Variants in TIMD4 observed in about 807,000 individuals in gnomAD.
TIMD4 encodes the protein T-cell immunoglobulin and mucin domain-containing protein 4.
A neutral mutation model predicts 41.2 loss-of-function variants in TIMD4; 31 were observed. That is an observed-to-expected ratio of 0.75 (90% CI 0.57 to 1.01). The LOEUF is 1.01. Ranked by LOEUF, TIMD4 falls within the 50% of genes least tolerant of loss-of-function variation. The pLI is 0.00. For synonymous variants in TIMD4, 204 were observed against 177.1 expected (o/e 1.15, Z -1.21); for missense variants, 479 against 472.5 (o/e 1.01, Z -0.13).
At chr5:156,952,402 C>T (rs867110125) in intron 2 of TIMD4, among the ~76,000 whole-genome samples, 22 of 152,182 alleles carry the variant, frequency 1.4e-4, no homozygotes, top group Admixed American at 6.5e-4. Context: ...GGCCTGCAAG[C>T]TACAAGCCTC....
In TIMD4 at chr5:156,954,734, A is replaced by G; in HGVS notation, c.81T>C (p.Val27=). 1 of 1,612,918 alleles carries G rather than the reference A, an allele frequency of 6.2e-7. No individual in the cohort carries two copies. The part of the protein sequence containing the change: ...LYLTPVTSET[V]VTEVLGHRVT... ...CCCGGTGACCCAAAACCTCCGTCAC[A>G]ACAGTCTCTGAAGTGACTGGTGCTG... The change falls in exon 2 of 9, where the codon GTT becomes GTC. Residue 27 remains valine (V), a synonymous_variant. Coordinates refer to ENST00000274532, the MANE Select transcript of TIMD4 (RefSeq NM_138379.3).
At chr5:156,957,018 G>A (rs1429951955) in intron 1 of TIMD4, among the ~76,000 whole-genome samples, 1 of 150,968 alleles carries the variant, frequency 6.6e-6, no homozygotes, top group Non-Finnish European at 1.5e-5. Flanking sequence ...TGCTTCTGGG[G>A]TTTTTCACAG....
At chr5:156,936,918 C>A (rs1163021027) in intron 5 of TIMD4, among the ~76,000 whole-genome samples, 15 of 132,310 alleles carry the variant, frequency 1.1e-4, no homozygotes, top group Non-Finnish European at 1.5e-4. Context: ...GGTAAGAGAG[C>A]GAGACTCCGT....
intron 5 of TIMD4, among the ~76,000 whole-genome samples, chr5:156,926,817 AAGGGACATATCATG>A (rs1441816154): frequency 6.6e-6 from 1 of 152,244 alleles, no homozygotes; most frequent in Admixed American, 6.5e-5. Flanking sequence ...AATACAGTAT[AAGGGACATATCATG>A]AGGATGCCAG....
At chr5:156,951,374 G>A (rs984617371) in intron 3 of TIMD4, 138 bp downstream of exon 3, 1 of 1,108,862 alleles carries the variant, frequency 9.0e-7, no homozygotes, top group African/African-American at 1.6e-5. Context: ...TGCGGTGTTT[G>A]TTTGATAGGC....
chr5:156,923,703 TA>T (rs1759294880), intron 6 of TIMD4, among the ~76,000 whole-genome samples: 2 of 141,074 alleles, frequency 1.4e-5, no homozygotes, highest in Non-Finnish European at 3.2e-5. Flanking sequence ...GATGCCTGGC[TA>T]TTTTTTTTTT....
intron 5 of TIMD4, among the ~76,000 whole-genome samples, chr5:156,930,748 A>G (rs920211795): frequency 6.6e-6 from 1 of 152,248 alleles, no homozygotes; most frequent in African/African-American, 2.4e-5. Context: ...ACAAGAATAC[A>G]TTATTTTTCA....
At position 156,948,404 on chromosome 5, in the gene TIMD4, C is replaced by A. The variant is rs1393199938; in HGVS notation, c.844+12G>T. ...AAGTAAAATAAAATAAAAAAAATCA[C>A]AGCCCCCCTACCTCCAGGCTGAGGA... On this transcript the variant is annotated intron_variant, in intron 5 of 8. Transcript: ENST00000274532. 4.4e-6 allele frequency: 6 copies of A among 1,371,644 alleles called. No individual in the cohort carries two copies. The highest frequency in any genetic ancestry group is 3.8e-6 in the Non-Finnish European group (4 of 1,059,036). 85.0% of individuals were successfully genotyped at this position (1,371,644 alleles called of 1,614,324 possible).
At chr5:156,937,557 T>C (rs879290920) in intron 5 of TIMD4, among the ~76,000 whole-genome samples, 2 of 152,184 alleles carry the variant, frequency 1.3e-5, no homozygotes, top group Non-Finnish European at 2.9e-5. Context: ...TGAGGACCTA[T>C]CTCGGGGCTG....
intron 1 of TIMD4, 106 bp downstream of exon 1, chr5:156,963,035 T>C: frequency 9.0e-7 from 1 of 1,109,034 alleles, no homozygotes; most frequent in Non-Finnish European, 1.4e-6. Context: ...GATGCAGAAA[T>C]GAAGTGAGCT....
chr5:156,933,320 C>A (rs1480613380), intron 5 of TIMD4, among the ~76,000 whole-genome samples: 1 of 152,076 alleles, frequency 6.6e-6, no homozygotes, highest in Admixed American at 6.5e-5. Context: ...ACTTTGAGAC[C>A]AGCCTGGGAA....
intron 1 of TIMD4, among the ~76,000 whole-genome samples, chr5:156,960,984 C>T (rs1052504017): frequency 1.3e-5 from 2 of 152,164 alleles, no homozygotes; most frequent in African/African-American, 2.4e-5. Flanking sequence ...ATGCATGGCA[C>T]TACGGAGGAA....
intron 5 of TIMD4, among the ~76,000 whole-genome samples, chr5:156,939,154 A>C (rs1759594742): frequency 6.6e-6 from 1 of 152,210 alleles, no homozygotes; most frequent in Non-Finnish European, 1.5e-5. Context: ...ATGAGGCAAG[A>C]CAATAAAGTG....
intron 5 of TIMD4, among the ~76,000 whole-genome samples, chr5:156,927,328 G>A (rs1046102394): frequency 1.4e-4 from 22 of 152,202 alleles, no homozygotes; most frequent in Admixed American, 2.0e-4. Flanking sequence ...TGGTGGCAAC[G>A]GTGTTTCAGG....
chr5:156,944,695 C>T (rs186252445), intron 5 of TIMD4, among the ~76,000 whole-genome samples: 4 of 151,936 alleles, frequency 2.6e-5, no homozygotes, highest in East Asian at 1.9e-4. Flanking sequence ...TTAGTAGAGA[C>T]GGGGTTTCAC....
At position 156,961,909 on chromosome 5, in the gene TIMD4, C is replaced by G. The variant is rs1347230571; in HGVS notation, c.58+1232G>C. Reference sequence around the variant, plus strand: ...TCAGCCATAAAAAAAGAATGAAACTCAGTCATTTGCAACAACATGGATGGA... The same window carrying G: ...TCAGCCATAAAAAAAGAATGAAACTGAGTCATTTGCAACAACATGGATGGA... On this transcript the variant is annotated intron_variant, in intron 1 of 8. Coordinates refer to ENST00000274532, the MANE Select transcript of TIMD4 (RefSeq NM_138379.3). 2.1e-5 allele frequency among the ~76,000 whole-genome samples: 3 copies of G among 143,730 alleles called. No individual in the cohort carries two copies. In the Admixed American group the frequency reaches 2.1e-4, roughly 10 times the overall value. The allele number at this position is 143,730 out of a possible 152,430, so 94.3% of individuals were successfully genotyped here.
chr5:156,919,933 C>T (rs1247893208), intron 8 of TIMD4, among the ~76,000 whole-genome samples: 1 of 152,036 alleles, frequency 6.6e-6, no homozygotes, highest in African/African-American at 2.4e-5. Flanking sequence ...TAATTTATGC[C>T]TTTTTTAAAA....
intron 1 of TIMD4, among the ~76,000 whole-genome samples, chr5:156,957,445 G>A (rs1328631902): frequency 2.8e-5 from 4 of 142,194 alleles, no homozygotes; most frequent in African/African-American, 7.8e-5. Context: ...CCCAGGAGGC[G>A]GAGGTTGCAG....
chr5:156,943,524 G>A (rs973048186), intron 5 of TIMD4, among the ~76,000 whole-genome samples: 5 of 152,170 alleles, frequency 3.3e-5, no homozygotes, highest in Non-Finnish European at 4.4e-5. Context: ...CAGGCTATGA[G>A]AAGAAAGGAC....
Sources: gnomAD v4.1 joint callset for allele counts (sites outside exome capture counted in the v4.1 genomes callset) on GRCh38, gnomAD v4.1.1 for gene constraint, MANE v1.5 for transcripts, NCBI Gene and HGNC (gene_info 2026-07-23, HGNC 2026-07-21) for gene names.